Variants in NRXN1 observed in about 807,000 individuals in gnomAD.
NRXN1 encodes neurexin 1, also known as neurexin-1.
In NRXN1, 39 loss-of-function variants were observed where a neutral mutation model predicts 150.9. The observed-to-expected ratio is 0.26, with a 90% CI of 0.20 to 0.34. The LOEUF (loss-of-function observed/expected upper bound fraction) is 0.34. Ranked by LOEUF, NRXN1 falls within the 10% of genes least tolerant of loss-of-function variation. NRXN1 has a pLI of 1.00. For synonymous variants in NRXN1, 924 were observed against 757.0 expected, an observed-to-expected ratio of 1.22 and a Z score of -3.62; for missense variants, 1,815 against 1,949.9, an observed-to-expected ratio of 0.93 and a Z score of 1.30.
chr2:50,895,736 A>C (rs1681841122), intron 5 of NRXN1, among the ~76,000 whole-genome samples: 1 of 151,592 alleles, frequency 6.6e-6, no homozygotes, highest in Non-Finnish European at 1.5e-5. Flanking sequence ...GTGCGCCACC[A>C]CGCCTGGCTA....
intron 5 of NRXN1, among the ~76,000 whole-genome samples, chr2:50,763,378 C>T (rs929222889): frequency 1.3e-5 from 2 of 151,894 alleles, no homozygotes; most frequent in African/African-American, 4.8e-5. Context: ...ATCTGTAAAA[C>T]AACAATGACT....
chr2:50,565,887 C>T (rs115982173), intron 8 of NRXN1, among the ~76,000 whole-genome samples: 1,904 of 152,200 alleles, frequency 0.013, 33 homozygotes, highest in African/African-American at 0.043. Flanking sequence ...GGCAATGTCC[C>T]GAGTCAGGCT....
chr2:51,030,154 T>G (rs969397817), intron 1 of NRXN1, among the ~76,000 whole-genome samples: 2 of 152,154 alleles, frequency 1.3e-5, no homozygotes, highest in African/African-American at 4.8e-5. Flanking sequence ...TACTCTTACC[T>G]TTTGAAAAAA....
At chr2:50,244,361 C>G (rs1488681864) in intron 17 of NRXN1, among the ~76,000 whole-genome samples, 2 of 151,796 alleles carry the variant, frequency 1.3e-5, no homozygotes, top group African/African-American at 4.8e-5. Flanking sequence ...ATGCACCATT[C>G]ATATAGAATG....
chr2:50,396,110 G>A (rs1452678986), intron 17 of NRXN1, among the ~76,000 whole-genome samples: 1 of 152,146 alleles, frequency 6.6e-6, no homozygotes. Context: ...ATATCCTAAT[G>A]AGAAAGCTGG....
intron 18 of NRXN1, among the ~76,000 whole-genome samples, chr2:50,147,038 C>T (rs1255698185): frequency 6.6e-6 from 1 of 151,558 alleles, no homozygotes; most frequent in African/African-American, 2.4e-5. Context: ...TTTTGTTTCC[C>T]CTGTAACACT....
At chr2:50,423,598 T>C (rs576933832) in intron 17 of NRXN1, among the ~76,000 whole-genome samples, 2 of 152,228 alleles carry the variant, frequency 1.3e-5, no homozygotes, top group Non-Finnish European at 2.9e-5. Flanking sequence ...AATTAATTAA[T>C]AAAAATCTTT....
intron 5 of NRXN1, among the ~76,000 whole-genome samples, chr2:50,643,397 A>G (rs185252775): frequency 6.6e-6 from 1 of 152,120 alleles, no homozygotes; most frequent in East Asian, 1.9e-4. Context: ...TCTCTTCTGT[A>G]TACAATTTTT....
At chr2:50,670,760 A>T (rs1209461018) in intron 5 of NRXN1, among the ~76,000 whole-genome samples, 1 of 151,920 alleles carries the variant, frequency 6.6e-6, no homozygotes, top group Non-Finnish European at 1.5e-5. Context: ...ATTTTGTAGA[A>T]TGTGCTGCTG....
chr2:51,023,125 G>C (rs1476966778), intron 2 of NRXN1, among the ~76,000 whole-genome samples: 1 of 152,096 alleles, frequency 6.6e-6, no homozygotes, highest in African/African-American at 2.4e-5. Flanking sequence ...AGCTTACTGT[G>C]GGTGCTTAAC....
intron 2 of NRXN1, among the ~76,000 whole-genome samples, chr2:50,943,282 G>A (rs765875170): frequency 5.9e-5 from 9 of 151,968 alleles, no homozygotes; most frequent in South Asian, 2.1e-4. Flanking sequence ...ACTAATACGC[G>A]GACTTCACAT....
At chr2:50,674,488 T>C (rs772449443) in intron 5 of NRXN1, among the ~76,000 whole-genome samples, 9 of 151,994 alleles carry the variant, frequency 5.9e-5, no homozygotes, top group Non-Finnish European at 1.3e-4. Flanking sequence ...CATAATCTCA[T>C]TGGAAGCTTA....
chr2:50,042,049 C>T (rs1400585354), intron 21 of NRXN1, among the ~76,000 whole-genome samples: 1 of 152,212 alleles, frequency 6.6e-6, no homozygotes, highest in African/African-American at 2.4e-5. Context: ...GCATCCACCC[C>T]TTTTTCTTAA....
At position 50,599,758 on chromosome 2, in the gene NRXN1, A is replaced by T. The variant is rs1675931600; in HGVS notation, c.1320+20264T>A. On this transcript the variant is annotated intron_variant, in intron 8 of 22. Transcript: ENST00000401669. The stretch of plus-strand genomic sequence containing the variant: ...CACTTGATGAAAAGGAAATCATCAG[A>T]AACGCCTGGATGTTTCCTATAAGAA... 2.0e-5 allele frequency among the ~76,000 whole-genome samples: 3 copies of T among 152,340 alleles called. No homozygotes were observed. The South Asian group carries it at 6.2e-4, about 32-fold the overall frequency.
Position 50,461,187 on chromosome 2 carries a change from G to A in NRXN1, c.3364+4255C>T, listed in dbSNP as rs115142321. 7.9e-3 allele frequency among the ~76,000 whole-genome samples: 1,205 copies of A among 151,946 alleles called. 10 individuals carry two copies. The highest frequency in any genetic ancestry group is 0.027 in the African/African-American group (1,133 of 41,504). On this transcript the variant is annotated intron_variant, in intron 17 of 22. Coordinates refer to ENST00000401669, the MANE Select transcript of NRXN1 (RefSeq NM_001330078.2). ...AAGTGTATTTTATCCTCATTTCAGC[G>A]AATGTTTCTAACTCTCATATGAAAG...
At chr2:49,968,791 A>G (rs752951757) in intron 21 of NRXN1, among the ~76,000 whole-genome samples, 1 of 152,094 alleles carries the variant, frequency 6.6e-6, no homozygotes, top group African/African-American at 2.4e-5. Flanking sequence ...GAGCAAATAT[A>G]TATTAAGTAA....
chr2:50,821,464 T>G (rs541056199), intron 5 of NRXN1, among the ~76,000 whole-genome samples: 1 of 152,282 alleles, frequency 6.6e-6, no homozygotes, highest in Admixed American at 6.5e-5. Flanking sequence ...TGCTTAAATC[T>G]TCCCATCTGC....
chr2:50,579,318 G>C (rs868844933), intron 8 of NRXN1, among the ~76,000 whole-genome samples: 2 of 152,160 alleles, frequency 1.3e-5, no homozygotes, highest in South Asian at 4.1e-4. Flanking sequence ...AGGAAAGCCT[G>C]TATTAGACTC....
At chr2:50,148,027 A>C (rs1289091072) in intron 18 of NRXN1, among the ~76,000 whole-genome samples, 2 of 151,680 alleles carry the variant, frequency 1.3e-5, no homozygotes, top group Admixed American at 6.6e-5. Context: ...CTCCAGTCTT[A>C]TGATTGGGAG....
Sources: gnomAD v4.1 joint callset for allele counts (sites outside exome capture counted in the v4.1 genomes callset) on GRCh38, gnomAD v4.1.1 for gene constraint, MANE v1.5 for transcripts, NCBI Gene and HGNC (gene_info 2026-07-23, HGNC 2026-07-21) for gene names.